Variants in IPMK observed in about 807,000 individuals in gnomAD.
IPMK encodes inositol polyphosphate multikinase.
IPMK carries 17 observed loss-of-function variants against 45.8 expected under a neutral mutation model. That is an observed-to-expected ratio of 0.37 (90% CI 0.25 to 0.56). The LOEUF (loss-of-function observed/expected upper bound fraction) is 0.56, where lower values mean the gene tolerates loss of function less well. Ranked by LOEUF, IPMK falls within the 20% of genes least tolerant of loss-of-function variation. IPMK has a pLI of 0.79. For synonymous variants in IPMK, 180 were observed against 184.3 expected (o/e 0.98, Z 0.19); for missense variants, 399 against 498.0 (o/e 0.80, Z 1.89).
intron 4 of IPMK, among the ~76,000 whole-genome samples, chr10:58,208,014 C>T (rs1838097181): frequency 6.6e-6 from 1 of 152,082 alleles, no homozygotes; most frequent in African/African-American, 2.4e-5. Context: ...GATCTCGGCT[C>T]ACTGCAAGCT....
At chr10:58,203,071 A>G (rs988387894) in intron 4 of IPMK, among the ~76,000 whole-genome samples, 1 of 152,184 alleles carries the variant, frequency 6.6e-6, no homozygotes, top group African/African-American at 2.4e-5. Context: ...AGATGGCATA[A>G]AGAAGATTTG....
At chr10:58,229,531 C>G (rs561160662) in intron 2 of IPMK, among the ~76,000 whole-genome samples, 2 of 135,318 alleles carry the variant, frequency 1.5e-5, no homozygotes, top group Non-Finnish European at 3.0e-5. Flanking sequence ...CCACTGCACT[C>G]CAGCCTGGGC....
chr10:58,231,913 G>T (rs950227780), intron 2 of IPMK, among the ~76,000 whole-genome samples: 1 of 152,156 alleles, frequency 6.6e-6, no homozygotes, highest in Admixed American at 6.5e-5. Flanking sequence ...ACCCATTGGT[G>T]TACCGTATTC....
At chr10:58,209,510 G>A (rs905940795) in intron 4 of IPMK, among the ~76,000 whole-genome samples, 5 of 152,180 alleles carry the variant, frequency 3.3e-5, no homozygotes, top group Admixed American at 1.3e-4. Flanking sequence ...TGTAGTGATC[G>A]TTATTGTTCT....
chr10:58,237,225 G>T (rs1838627652), intron 2 of IPMK, among the ~76,000 whole-genome samples: 2 of 152,154 alleles, frequency 1.3e-5, no homozygotes, highest in South Asian at 4.1e-4. Flanking sequence ...AGACTGGAGG[G>T]TATGAGAAGA....
At chr10:58,240,567 T>A (rs1838681940) in intron 1 of IPMK, among the ~76,000 whole-genome samples, 1 of 148,930 alleles carries the variant, frequency 6.7e-6, no homozygotes, top group Non-Finnish European at 1.5e-5. Context: ...AAAAGCTAGA[T>A]AATCTACAAA....
intron 3 of IPMK, among the ~76,000 whole-genome samples, chr10:58,219,410 C>T (rs989951049): frequency 1.3e-5 from 2 of 152,186 alleles, no homozygotes; most frequent in African/African-American, 4.8e-5. Flanking sequence ...TACTGATTTA[C>T]AGGCTGTCAT....
At chr10:58,264,844 G>T (rs777518244) in intron 1 of IPMK, among the ~76,000 whole-genome samples, 22 of 152,144 alleles carry the variant, frequency 1.4e-4, no homozygotes, top group Non-Finnish European at 3.2e-4. Context: ...AAAAGTTGCT[G>T]ATAGATTTAT....
chr10:58,264,074 A>T (rs574714611), intron 1 of IPMK, among the ~76,000 whole-genome samples: 1 of 152,362 alleles, frequency 6.6e-6, no homozygotes, highest in Non-Finnish European at 1.5e-5. Context: ...ACTATGGACT[A>T]TAGATTAAAG....
chr10:58,224,284 G>A (rs890497408), intron 3 of IPMK, among the ~76,000 whole-genome samples: 2 of 152,114 alleles, frequency 1.3e-5, no homozygotes, highest in East Asian at 3.9e-4. Context: ...AAACCTACTC[G>A]ATGTTATACT....
chr10:58,207,548 G>A (rs1838088855), intron 4 of IPMK, among the ~76,000 whole-genome samples: 1 of 152,160 alleles, frequency 6.6e-6, no homozygotes, highest in South Asian at 2.1e-4. Flanking sequence ...CCATGTTAAA[G>A]TCCATTTGTT....
At chr10:58,218,397 C>T (rs1411483516) in intron 3 of IPMK, among the ~76,000 whole-genome samples, 14 of 152,148 alleles carry the variant, frequency 9.2e-5, no homozygotes, top group Admixed American at 9.2e-4. Context: ...AGGACATTTA[C>T]CTTCAGATTT....
intron 1 of IPMK, among the ~76,000 whole-genome samples, chr10:58,252,615 T>C (rs977643394): frequency 1.1e-4 from 14 of 131,988 alleles, no homozygotes; most frequent in Non-Finnish European, 1.8e-4. Context: ...TCTTTTCTTT[T>C]TTTTTTTTTT....
In IPMK at chr10:58,243,219, T is replaced by C. The variant is rs546680548; in HGVS notation, c.191-5405A>G. On this transcript the variant is annotated intron_variant, in intron 1 of 5. Coordinates refer to ENST00000373935, the MANE Select transcript of IPMK (RefSeq NM_152230.5). ...GAAGTGGAAGCAACTTCTATGTCCA[T>C]TGACAAATGAAAGGGTAAAAAAAAA... Among the ~76,000 whole-genome samples, 27 of 152,170 alleles carry C rather than the reference T, an allele frequency of 1.8e-4. No individual in the cohort carries two copies. The East Asian group carries it at 2.9e-3, about 16-fold the overall frequency.
At chr10:58,206,481 T>A (rs1838073137) in intron 4 of IPMK, among the ~76,000 whole-genome samples, 1 of 152,174 alleles carries the variant, frequency 6.6e-6, no homozygotes, top group Admixed American at 6.5e-5. Context: ...AAAGCTATTT[T>A]AAAAAACTAA....
intron 5 of IPMK, 59 bp from the exon 6 acceptor site, chr10:58,196,757 A>C: frequency 8.6e-7 from 1 of 1,166,736 alleles, no homozygotes; most frequent in Non-Finnish European, 1.2e-6. Context: ...TTATTTGGGA[A>C]GTAAACTCAT....
chr10:58,236,064 G>T (rs1477173114), intron 2 of IPMK, among the ~76,000 whole-genome samples: 1 of 151,694 alleles, frequency 6.6e-6, no homozygotes, highest in Non-Finnish European at 1.5e-5. Context: ...AAGTAGCTGG[G>T]ATTACAGATA....
chr10:58,212,892 G>T, intron 4 of IPMK: 2 of 234,926 alleles, frequency 8.5e-6, no homozygotes, highest in South Asian at 7.4e-5. Flanking sequence ...TTCCGCCAAT[G>T]AGCAAGTCAT....
At chr10:58,197,900 A>T (rs773776830) in intron 5 of IPMK, among the ~76,000 whole-genome samples, 1 of 151,764 alleles carries the variant, frequency 6.6e-6, no homozygotes, top group Non-Finnish European at 1.5e-5. Context: ...ATGGTGACGC[A>T]TGCCTGTAGT....
Sources: allele counts gnomAD v4.1 joint callset (sites outside exome capture counted in the v4.1 genomes callset), GRCh38; gene constraint gnomAD v4.1.1; transcripts MANE v1.5; gene names NCBI Gene and HGNC (gene_info 2026-07-23, HGNC 2026-07-21).